BIRC6: variants seen among roughly 807,000 people sequenced by gnomAD.
The protein encoded by BIRC6 is dual E2 ubiquitin-conjugating enzyme/E3 ubiquitin-protein ligase BIRC6.
BIRC6 carries 98 observed loss-of-function variants against 503.3 expected under a neutral mutation model. The ratio of observed to expected loss-of-function variants is 0.19; its 90% CI spans 0.17 to 0.23. The LOEUF (loss-of-function observed/expected upper bound fraction) is 0.23, where lower values mean the gene tolerates loss of function less well. BIRC6 is among the 10% of genes least tolerant of loss of function. BIRC6 has a pLI of 1.00. For missense variants in BIRC6, 5,360 were observed against 5,806.0 expected, an observed-to-expected ratio of 0.92 and a Z score of 2.50; for synonymous variants, 2,240 against 2,078.7, an observed-to-expected ratio of 1.08 and a Z score of -2.11.
intron 42 of BIRC6, among the ~76,000 whole-genome samples, chr2:32,489,096 G>A (rs566375897): frequency 6.6e-6 from 1 of 151,888 alleles, no homozygotes; most frequent in South Asian, 2.1e-4. Context: ...TGGAGAAGGT[G>A]GTCAGTTTCC....
intron 66 of BIRC6, 83 bp from the exon 67 acceptor site, chr2:32,593,832 C>A: frequency 8.3e-7 from 1 of 1,205,830 alleles, no homozygotes; most frequent in Non-Finnish European, 1.2e-6. Context: ...TGCACACACT[C>A]ATTTGTATAT....
At chr2:32,397,600 G>GTT (rs2040058331) in intron 6 of BIRC6, among the ~76,000 whole-genome samples, 2 of 139,056 alleles carry the variant, frequency 1.4e-5, no homozygotes, top group Admixed American at 1.5e-4. Flanking sequence ...GTGTGTGTGT[G>GTT]TGTGTATATA....
At chr2:32,494,052 T>C (rs2052099406) in intron 45 of BIRC6, among the ~76,000 whole-genome samples, 3 of 152,182 alleles carry the variant, frequency 2.0e-5, no homozygotes, top group African/African-American at 7.2e-5. Context: ...TGTATACTAA[T>C]CTTGTGTAGA....
At chr2:32,505,676 A>G (rs1395431882) in intron 50 of BIRC6, among the ~76,000 whole-genome samples, 1 of 152,182 alleles carries the variant, frequency 6.6e-6, no homozygotes, top group Non-Finnish European at 1.5e-5. Context: ...TAAGATTCAT[A>G]CTGTGTTTAT....
chr2:32,509,690 T>G, intron 51 of BIRC6, 48 bp from the exon 52 acceptor site: 1 of 1,605,676 alleles, frequency 6.2e-7, no homozygotes, highest in Non-Finnish European at 8.5e-7. Context: ...TACCCCGAAG[T>G]GATTTGAGCG....
At chr2:32,498,489 G>A (rs532569318) in intron 45 of BIRC6, among the ~76,000 whole-genome samples, 9 of 152,134 alleles carry the variant, frequency 5.9e-5, no homozygotes, top group South Asian at 2.1e-4. Flanking sequence ...CCTTTCTTCC[G>A]TCTTTTGTGA....
At chr2:32,444,817 C>T (rs558344682) in intron 20 of BIRC6, among the ~76,000 whole-genome samples, 25 of 152,190 alleles carry the variant, frequency 1.6e-4, no homozygotes, top group African/African-American at 5.8e-4. Flanking sequence ...TTAGGTAAAG[C>T]GTGTTTATAT....
At chr2:32,528,181 C>T (rs753922995) in intron 59 of BIRC6, 3 of 151,930 alleles carry the variant, frequency 2.0e-5, no homozygotes, top group Non-Finnish European at 2.9e-5. Flanking sequence ...AACACAGCAT[C>T]ATAGGTGAAG....
chr2:32,607,313 TATAATC>T (rs746313271), intron 71 of BIRC6, 136 bp from the exon 72 acceptor site: 18 of 580,888 alleles, frequency 3.1e-5, no homozygotes, highest in Non-Finnish European at 3.6e-5. Context: ...ATTTCAATGT[TATAATC>T]ATAAACATTG....
In BIRC6 at chr2:32,482,568, T is replaced by G; in HGVS notation, c.7682T>G (p.Val2561Gly). The change falls in exon 39 of 74, where the codon GTT (valine) becomes GGT (glycine). Residue 2561 changes from valine (V) to glycine (G), a missense_variant. Val to Gly is a moderately radical substitution (Grantham distance 109, BLOSUM62 -3). Transcript: ENST00000421745. ...AAGAACGGATCACAGACAGTTAGCG[T>G]TTCAGTCTCTCAGGGTAAGTGTATG... ...TEKNGSQTVS[V>G]SVSQALDARL... 6.2e-7 allele frequency: 1 copy of G among 1,613,902 alleles called. No individual in the cohort carries two copies. Among genetic ancestry groups the G allele is most frequent in the Non-Finnish European group, 8.5e-7 (1 of 1,179,814 alleles).
intron 61 of BIRC6, among the ~76,000 whole-genome samples, chr2:32,536,881 T>G (rs2057283956): frequency 6.6e-6 from 1 of 152,218 alleles, no homozygotes; most frequent in African/African-American, 2.4e-5. Context: ...TATTCATTCT[T>G]CCTACCCATG....
chr2:32,547,424 C>G (rs558068128), intron 63 of BIRC6, among the ~76,000 whole-genome samples: 1 of 152,164 alleles, frequency 6.6e-6, no homozygotes, highest in Non-Finnish European at 1.5e-5. Flanking sequence ...ATGCATTTAC[C>G]TATTTTGGAT....
At position 32,467,618 on chromosome 2, in the gene BIRC6, T is replaced by C. The variant is rs2048696911; in HGVS notation, c.5450T>C (p.Ile1817Thr). Residue 1817 changes from isoleucine to threonine, a missense_variant, in exon 27 of 74, where the codon ATT becomes ACT. Transcript: ENST00000421745. ...TGTGGAGACTTGGCCTCTTTGTCAA[T>C]TGACATTTGGACATTAGGAGAAGAG... ...PTCGDLASLS[I>T]DIWTLGEEVD... is the part of the protein sequence containing the mutation. 6.2e-7 allele frequency: 1 copy of C among 1,613,808 alleles called. No individual in the cohort carries two copies. The highest frequency in any genetic ancestry group is 1.3e-5 in the African/African-American group (1 of 74,890).
intron 66 of BIRC6, among the ~76,000 whole-genome samples, chr2:32,578,155 T>A (rs966515263): frequency 7.2e-5 from 11 of 152,332 alleles, no homozygotes; most frequent in African/African-American, 2.4e-4. Context: ...ACATCTCTAC[T>A]TTCAAGGTTT....
Position 32,590,715 on chromosome 2 carries a change from A to G in BIRC6, c.13356-3200A>G, listed in dbSNP as rs960692488. Reference sequence around the variant, plus strand: ...CCAAAATTTGTTTAACTAATTAGCTATTTAGTTGGAATTCACAGCATAGTG... The same window carrying G: ...CCAAAATTTGTTTAACTAATTAGCTGTTTAGTTGGAATTCACAGCATAGTG... On this transcript the variant is annotated intron_variant, in intron 66 of 73. Coordinates refer to ENST00000421745, the MANE Select transcript of BIRC6 (RefSeq NM_016252.4). 16 of 892,154 alleles carry G rather than the reference A, an allele frequency of 1.8e-5. No individual in the cohort carries two copies. In the African/African-American group the frequency reaches 2.5e-4, roughly 14 times the overall value. 55.3% of individuals were successfully genotyped at this position (892,154 alleles called of 1,614,324 possible). A position where few individuals can be genotyped will look rare whatever the true frequency, so the allele number is the denominator to read the frequency against.
At chr2:32,436,024 A>T in intron 14 of BIRC6, 29 bp from the exon 15 acceptor site, 1 of 1,286,610 alleles carries the variant, frequency 7.8e-7, no homozygotes, top group Non-Finnish European at 1.0e-6. Context: ...GAATGAATTT[A>T]AAAGAAAAAT....
In BIRC6 at chr2:32,415,395, G is replaced by A; in HGVS notation, c.2104G>A (p.Asp702Asn). 2 of 1,613,980 alleles carry A rather than the reference G, an allele frequency of 1.2e-6. No homozygotes were observed. The highest frequency in any genetic ancestry group is 3.3e-5 in the Admixed American group (2 of 60,022). The change falls in exon 10 of 74, where the codon GAT becomes AAT. Residue 702 changes from aspartate to asparagine, a missense_variant. Physicochemically the swap from Asp to Asn is conservative, Grantham distance 23. Around this residue, in one of 16 missense-constraint regions of BIRC6, gnomAD observed 700 missense variants for 739.3 expected, o/e 0.95. Transcript: ENST00000421745. The stretch of plus-strand genomic sequence containing the variant: ...TGCAGCAGCCAACCTTACCTCTCCG[G>A]ATTCTGAGAAGTGGAACTCTGTGTT... ...ADAAANLTSP[D>N]SEKWNSVFPK...
intron 59 of BIRC6, among the ~76,000 whole-genome samples, chr2:32,525,991 ACTGGTAGTTAAGCCATATGT>A (rs1369589609): frequency 6.6e-6 from 1 of 152,186 alleles, no homozygotes; most frequent in South Asian, 2.1e-4. Flanking sequence ...CTCTTAGACC[ACTGGTAGTTAAGCCATATGT>A]TCTTCCCAGA....
At position 32,597,743 on chromosome 2, in the gene BIRC6, C is replaced by T. The variant is rs770454533; in HGVS notation, c.13613-8C>T. 24 of 1,600,536 alleles carry T rather than the reference C, an allele frequency of 1.5e-5. No individual in the cohort carries two copies. The highest frequency in any genetic ancestry group is 2.1e-5 in the Non-Finnish European group (24 of 1,168,522). On this transcript the variant is annotated splice_polypyrimidine_tract_variant and splice_region_variant and intron_variant, in intron 68 of 73. Transcript: ENST00000421745. ...AGTTCTGGGTTTTATTTTTTCTTCT[C>T]CTTTTAGATACGTTTGAAATGGTTT...
Sources: allele counts gnomAD v4.1 joint callset (sites outside exome capture counted in the v4.1 genomes callset), GRCh38; gene constraint gnomAD v4.1.1; regional missense constraint gnomAD v4.1.1; transcripts MANE v1.5; gene names NCBI Gene and HGNC (gene_info 2026-07-23, HGNC 2026-07-21).